The following SPIRE1 variants were observed in gnomAD, a reference collection of about 807,000 sequenced individuals.
SPIRE1 encodes the protein protein spire homolog 1.
Under a neutral mutation model 94.1 loss-of-function variants are expected in SPIRE1, and 40 were observed. That is an observed-to-expected ratio of 0.43 (90% confidence interval 0.33 to 0.55). The LOEUF (loss-of-function observed/expected upper bound fraction) is 0.55. Ranked by LOEUF, SPIRE1 falls within the 20% of genes least tolerant of loss-of-function variation. SPIRE1 has a pLI of 0.06. For missense variants in SPIRE1, 838 were observed against 975.2 expected (o/e 0.86, Z 1.87); for synonymous variants, 376 against 371.7 (o/e 1.01, Z -0.13).
intron 1 of SPIRE1, among the ~76,000 whole-genome samples, chr18:12,638,083 C>T (rs1178654216): frequency 1.3e-5 from 2 of 152,160 alleles, no homozygotes; most frequent in Non-Finnish European, 2.9e-5. Context: ...ATCCAAAAAT[C>T]CCAATCACAT....
intron 4 of SPIRE1, among the ~76,000 whole-genome samples, chr18:12,532,421 G>A (rs2034710311): frequency 6.6e-6 from 1 of 152,136 alleles, no homozygotes; most frequent in African/African-American, 2.4e-5. Flanking sequence ...ATCAGTAACT[G>A]AGCTCAAGTG....
intron 7 of SPIRE1, among the ~76,000 whole-genome samples, chr18:12,494,838 CAA>C (rs71172091): frequency 3.1e-5 from 1 of 32,010 alleles, no homozygotes; most frequent in Non-Finnish European, 5.2e-5. Flanking sequence ...GACTCCATCT[CAA>C]AAAAAAAAAA....
At chr18:12,463,269 C>T (rs565492534) in intron 12 of SPIRE1, 82 bp downstream of exon 12, 8 of 1,357,464 alleles carry the variant, frequency 5.9e-6, no homozygotes, top group Admixed American at 2.4e-5. Context: ...TTTTTTTCTC[C>T]TTATCATCTT....
intron 11 of SPIRE1, among the ~76,000 whole-genome samples, chr18:12,463,797 A>C (rs1209348130): frequency 6.6e-5 from 10 of 152,352 alleles, no homozygotes; most frequent in South Asian, 2.1e-4. Context: ...TTTTAAAGAT[A>C]AAATAAGGAA....
At chr18:12,519,796 C>T (rs2034308475) in intron 4 of SPIRE1, among the ~76,000 whole-genome samples, 2 of 152,130 alleles carry the variant, frequency 1.3e-5, no homozygotes, top group African/African-American at 4.8e-5. Context: ...AACACATTGT[C>T]AAGATGTAGG....
At chr18:12,605,596 G>GC in intron 2 of SPIRE1, among the ~76,000 whole-genome samples, 1 of 152,158 alleles carries the variant, frequency 6.6e-6, no homozygotes, top group East Asian at 1.9e-4. Context: ...ACTTATCCAA[G>GC]CAGGCCAGCA....
chr18:12,558,941 T>A (rs146356253), intron 2 of SPIRE1, among the ~76,000 whole-genome samples: 2 of 152,076 alleles, frequency 1.3e-5, no homozygotes, highest in African/African-American at 2.4e-5. Context: ...AGACTGCTGA[T>A]TGGTGCATTT....
intron 2 of SPIRE1, among the ~76,000 whole-genome samples, chr18:12,547,374 C>T (rs1254044343): frequency 6.6e-6 from 1 of 152,082 alleles, no homozygotes; most frequent in Non-Finnish European, 1.5e-5. Flanking sequence ...AATGAGAGAC[C>T]TTTTGCAAAC....
intron 5 of SPIRE1, among the ~76,000 whole-genome samples, chr18:12,508,598 TTAAA>T (rs1229984871): frequency 6.6e-6 from 1 of 152,196 alleles, no homozygotes; most frequent in Admixed American, 6.5e-5. Flanking sequence ...CCTTTGGGCT[TTAAA>T]TTAGGAGACA....
intron 10 of SPIRE1, among the ~76,000 whole-genome samples, chr18:12,473,682 A>G (rs2032450845): frequency 6.6e-6 from 1 of 152,166 alleles, no homozygotes; most frequent in African/African-American, 2.4e-5. Context: ...TTGATAATGT[A>G]AATAATTAAC....
chr18:12,611,995 A>G (rs1214283300), intron 2 of SPIRE1, among the ~76,000 whole-genome samples: 2 of 152,074 alleles, frequency 1.3e-5, no homozygotes, highest in South Asian at 2.1e-4. Context: ...GTAGCAATAG[A>G]TATCTAACAT....
chr18:12,608,987 T>C (rs1418838853), intron 2 of SPIRE1, among the ~76,000 whole-genome samples: 1 of 152,098 alleles, frequency 6.6e-6, no homozygotes, highest in Non-Finnish European at 1.5e-5. Flanking sequence ...GGTGTGGGGA[T>C]GGTTTTCAGG....
chr18:12,657,352 G>A (rs1003201065), intron 1 of SPIRE1, among the ~76,000 whole-genome samples, 178 bp downstream of exon 1: 2 of 152,088 alleles, frequency 1.3e-5, no homozygotes, highest in African/African-American at 4.8e-5. Flanking sequence ...GAGGGGCCCC[G>A]GCCAGCCACG....
intron 8 of SPIRE1, among the ~76,000 whole-genome samples, chr18:12,489,465 C>T (rs776839030): frequency 3.4e-4 from 51 of 152,128 alleles, no homozygotes; most frequent in Admixed American, 2.5e-3. Flanking sequence ...GAAGGGGATG[C>T]AATTATTTCT....
At chr18:12,451,024 A>AGGG in intron 16 of SPIRE1, 1 of 500,246 alleles carries the variant, frequency 2.0e-6, no homozygotes, top group Non-Finnish European at 3.7e-6. Context: ...AGGAAGAAGG[A>AGGG]GGGGAGGAGG....
In SPIRE1 at chr18:12,559,904, A is replaced by C. The variant is rs528313465; in HGVS notation, c.373-13000T>G. On this transcript the variant is annotated intron_variant, in intron 2 of 16. Transcript: ENST00000409402. This position sits in a 1 kb window ranked among gnomAD's most constrained non-coding sequence, Gnocchi z 4.7. ...ACCTCAAACAATTCTATAGGAAAAA[A>C]TCTAATAATCTGATTAAAAATGGGC... is the stretch of plus-strand genomic sequence containing the variant. Among the ~76,000 whole-genome samples, 45 of 152,352 alleles carry C rather than the reference A, an allele frequency of 3.0e-4. No individual in the cohort carries two copies. The highest frequency in any genetic ancestry group is 1.1e-3 in the African/African-American group (44 of 41,582).
At chr18:12,619,848 G>GAAAAAA (rs35340668) in intron 2 of SPIRE1, among the ~76,000 whole-genome samples, 1 of 111,002 alleles carries the variant, frequency 9.0e-6, no homozygotes, top group Non-Finnish European at 1.8e-5. Context: ...TCTGCCTCAG[G>GAAAAAA]AAAAAAAAAA....
intron 4 of SPIRE1, among the ~76,000 whole-genome samples, chr18:12,522,365 C>T (rs1298070319): frequency 1.3e-5 from 2 of 152,156 alleles, no homozygotes; most frequent in African/African-American, 4.8e-5. Flanking sequence ...GGTGAAGAAG[C>T]TGCAGGAGGA....
At chr18:12,455,911 T>A (rs549348150) in intron 12 of SPIRE1, among the ~76,000 whole-genome samples, 1 of 152,284 alleles carries the variant, frequency 6.6e-6, no homozygotes, top group African/African-American at 2.4e-5. Flanking sequence ...AAAACAAAAA[T>A]CAATCTAGGT....
Sources: allele counts gnomAD v4.1 joint callset (sites outside exome capture counted in the v4.1 genomes callset), GRCh38; gene constraint gnomAD v4.1.1; non-coding constraint Gnocchi (gnomAD v3.1); transcripts MANE v1.5; gene names NCBI Gene and HGNC (gene_info 2026-07-23, HGNC 2026-07-21).